The following UTRN variants were observed in gnomAD, a reference collection of about 807,000 sequenced individuals.
UTRN encodes the protein utrophin, also known as dystrophin-related protein 1.
Under a neutral mutation model 463.9 loss-of-function variants are expected in UTRN, and 283 were observed. The observed-to-expected ratio is 0.61, with a 90% CI of 0.55 to 0.67. The LOEUF (loss-of-function observed/expected upper bound fraction) is 0.67. UTRN is among the 30% of genes least tolerant of loss of function. The pLI, the probability that UTRN is intolerant of heterozygous loss-of-function variation, is 0.00. For missense variants in UTRN, 3,922 were observed against 4,084.3 expected, an observed-to-expected ratio of 0.96 and a Z score of 1.08; for synonymous variants, 1,442 against 1,431.5, an observed-to-expected ratio of 1.01 and a Z score of -0.17.
chr6:144,661,311 T>C (rs1032638385), intron 51 of UTRN, among the ~76,000 whole-genome samples: 2 of 152,168 alleles, frequency 1.3e-5, no homozygotes, highest in African/African-American at 4.8e-5. Flanking sequence ...ACAATTGCAG[T>C]CACTGCTTGC....
intron 73 of UTRN, among the ~76,000 whole-genome samples, chr6:144,841,890 T>G (rs1239560728): frequency 6.6e-6 from 1 of 151,864 alleles, no homozygotes; most frequent in East Asian, 1.9e-4. Flanking sequence ...GGCAGGTGGA[T>G]CATGAGATCA....
chr6:144,333,519 C>T (rs1429260852), intron 2 of UTRN, among the ~76,000 whole-genome samples: 1 of 152,018 alleles, frequency 6.6e-6, no homozygotes, highest in Non-Finnish European at 1.5e-5. Flanking sequence ...CTTATAATGC[C>T]AGGTAAAAAA....
At chr6:144,640,539 G>A (rs1393741525) in intron 51 of UTRN, among the ~76,000 whole-genome samples, 2 of 152,244 alleles carry the variant, frequency 1.3e-5, no homozygotes, top group East Asian at 1.9e-4. Context: ...AGAAAAAAAT[G>A]TGTTAAGTTT....
At chr6:144,494,680 A>T (rs1053596174) in intron 33 of UTRN, among the ~76,000 whole-genome samples, 1 of 152,100 alleles carries the variant, frequency 6.6e-6, no homozygotes, top group Non-Finnish European at 1.5e-5. Flanking sequence ...AAGGTTCTCC[A>T]TGTCCCCACC....
intron 51 of UTRN, among the ~76,000 whole-genome samples, chr6:144,584,936 A>G (rs1191302188): frequency 2.0e-5 from 3 of 152,138 alleles, no homozygotes; most frequent in African/African-American, 7.2e-5. Flanking sequence ...AAGCTCATTC[A>G]CTAATTCATG....
At chr6:144,808,857 T>C (rs1007864297) in intron 65 of UTRN, among the ~76,000 whole-genome samples, 1 of 152,098 alleles carries the variant, frequency 6.6e-6, no homozygotes, top group Non-Finnish European at 1.5e-5. Context: ...AATTCCCTTC[T>C]TTTTTTATGA....
chr6:144,428,946 C>A, intron 8 of UTRN, 53 bp downstream of exon 8: 2 of 1,181,446 alleles, frequency 1.7e-6, no homozygotes, highest in South Asian at 1.5e-5. Flanking sequence ...GTTTTGCATT[C>A]TTGAAAAGCA....
chr6:144,449,652 C>G (rs1788056279), intron 17 of UTRN, among the ~76,000 whole-genome samples: 1 of 152,152 alleles, frequency 6.6e-6, no homozygotes, highest in African/African-American at 2.4e-5. Context: ...CACAAAATCC[C>G]TCACATTTTA....
At chr6:144,798,783 C>T (rs4352697) in intron 64 of UTRN, among the ~76,000 whole-genome samples, 17,643 of 152,262 alleles carry the variant, frequency 0.12, 3,008 homozygotes, top group African/African-American at 0.38. Context: ...ACTCTGTCAC[C>T]CAAGCTGGTG....
At chr6:144,379,077 A>G (rs1024133059) in intron 2 of UTRN, among the ~76,000 whole-genome samples, 79 of 152,342 alleles carry the variant, frequency 5.2e-4, no homozygotes, top group Non-Finnish European at 7.6e-4. Context: ...TTGATGGGTT[A>G]AGGTTGAAAT....
Position 144,286,963 on chromosome 6 carries a change from G to T in UTRN, c.-93+1142G>T, listed in dbSNP as rs546066339. ...GGTTGGGAGGGTCAGTGCAGCGGTC[G>T]CCGCGGCCAGAGCGCGCGGAGCTCG... On this transcript the variant is annotated intron_variant, in intron 1 of 74. Transcript: ENST00000367545. This position sits in a 1 kb window ranked among gnomAD's most constrained non-coding sequence, Gnocchi z 4.4. Among the ~76,000 whole-genome samples the T allele has an allele frequency of 8.9e-4, 135 of 152,282 alleles. No homozygotes were observed. The highest frequency in any genetic ancestry group is 3.0e-3 in the African/African-American group (126 of 41,562).
intron 65 of UTRN, among the ~76,000 whole-genome samples, chr6:144,817,782 A>G (rs1025520614): frequency 2.6e-5 from 4 of 152,212 alleles, no homozygotes; most frequent in African/African-American, 4.8e-5. Context: ...GTTTATGGCA[A>G]TAATGAGTTA....
intron 33 of UTRN, among the ~76,000 whole-genome samples, chr6:144,496,444 G>T (rs1190281176): frequency 6.6e-6 from 1 of 152,120 alleles, no homozygotes; most frequent in Non-Finnish European, 1.5e-5. Flanking sequence ...GAATTATACA[G>T]CTGGTTATTC....
At chr6:144,424,147 G>C (rs1584728931) in intron 6 of UTRN, 69 bp downstream of exon 6, 9 of 1,537,888 alleles carry the variant, frequency 5.9e-6, no homozygotes, top group African/African-American at 1.4e-5. Context: ...GTTTCTTAAG[G>C]CTGCCGTAAC....
At chr6:144,564,907 G>T (rs1800265408) in intron 50 of UTRN, among the ~76,000 whole-genome samples, 2 of 152,142 alleles carry the variant, frequency 1.3e-5, no homozygotes, top group Non-Finnish European at 2.9e-5. Flanking sequence ...AAAGCTATTG[G>T]AATTGTTAAG....
chr6:144,332,031 G>A (rs572116944), intron 2 of UTRN, among the ~76,000 whole-genome samples: 1 of 152,228 alleles, frequency 6.6e-6, no homozygotes, highest in East Asian at 1.9e-4. Flanking sequence ...CTGTTTACAG[G>A]GTCTTTCCTC....
At chr6:144,291,689 A>C in intron 1 of UTRN, 48 bp from the exon 2 acceptor site, 1 of 582,942 alleles carries the variant, frequency 1.7e-6, no homozygotes. Context: ...ACTATATAAA[A>C]TATATAAATA....
chr6:144,614,438 T>G (rs1463985931), intron 51 of UTRN, among the ~76,000 whole-genome samples: 1 of 152,126 alleles, frequency 6.6e-6, no homozygotes, highest in Non-Finnish European at 1.5e-5. Flanking sequence ...TTTTTGAACC[T>G]AACCGCTAGG....
chr6:144,708,574 C>A, intron 53 of UTRN: 1 of 278,360 alleles, frequency 3.6e-6, no homozygotes, highest in Non-Finnish European at 6.8e-6. Flanking sequence ...AAGGGAGATC[C>A]TCTGCTTATC....
Sources: gnomAD v4.1 joint callset for allele counts (sites outside exome capture counted in the v4.1 genomes callset) on GRCh38, gnomAD v4.1.1 for gene constraint, Gnocchi (gnomAD v3.1) non-coding constraint, MANE v1.5 for transcripts, NCBI Gene and HGNC (gene_info 2026-07-23, HGNC 2026-07-21) for gene names.